Variants in NIPA2 observed in about 807,000 individuals in gnomAD.
NIPA2 encodes the protein NIPA magnesium transporter 2, also known as magnesium transporter NIPA2.
In NIPA2, 11 loss-of-function variants were observed where a neutral mutation model predicts 29.7. The observed-to-expected ratio is 0.37, with a 90% CI of 0.23 to 0.61. The LOEUF (loss-of-function observed/expected upper bound fraction) is 0.61, where lower values mean the gene tolerates loss of function less well. NIPA2 is among the 20% of genes least tolerant of loss of function. NIPA2 has a pLI of 0.66. For synonymous variants in NIPA2, 183 were observed against 161.9 expected (o/e 1.13, Z -0.99); for missense variants, 426 against 437.9 (o/e 0.97, Z 0.24).
chr15:22,853,699 C>G (rs1021478116), intron 5 of NIPA2, among the ~76,000 whole-genome samples: 4 of 151,328 alleles, frequency 2.6e-5, no homozygotes, highest in Admixed American at 6.6e-5. Flanking sequence ...TTTGTGAGTA[C>G]TTAGTAGGTA....
At chr15:22,844,888 G>A (rs936143952) in intron 2 of NIPA2, among the ~76,000 whole-genome samples, 3 of 152,120 alleles carry the variant, frequency 2.0e-5, no homozygotes, top group South Asian at 4.1e-4. Flanking sequence ...TCTCTTAGTC[G>A]TGGAGTCCTT....
In NIPA2 at chr15:22,867,361, C is replaced by G. The variant is rs754415655; in HGVS notation, c.*514C>G. 1 of 393,718 alleles carries G rather than the reference C, an allele frequency of 2.5e-6. No homozygotes were observed. Among genetic ancestry groups the G allele is most frequent in the Admixed American group, 4.4e-5 (1 of 22,602 alleles). The allele number at this position is 393,718 out of a possible 1,614,324, so 24.4% of individuals were successfully genotyped here. ...TATTTATTAAGGGAAAACTAAGTTA[C>G]TGAATGAAGGAACCTCTTTCTTACA... On this transcript the variant is annotated 3_prime_UTR_variant, in exon 8 of 8. Coordinates refer to ENST00000337451, the MANE Select transcript of NIPA2 (RefSeq NM_030922.7).
At chr15:22,861,495 G>A (rs956494226) in intron 7 of NIPA2, among the ~76,000 whole-genome samples, 1 of 152,178 alleles carries the variant, frequency 6.6e-6, no homozygotes, top group African/African-American at 2.4e-5. Context: ...ACAAGAAAGG[G>A]CATGAAGAGA....
Position 22,866,649 on chromosome 15 carries a change from G to A in NIPA2, c.885G>A (p.Leu295=), listed in dbSNP as rs2059098513. 6.2e-7 allele frequency: 1 copy of A among 1,613,946 alleles called. No individual in the cohort carries two copies. Among genetic ancestry groups the A allele is most frequent in the Admixed American group, 1.7e-5 (1 of 60,000 alleles). ...GFFTIIVGIF[L]LHAFKDVSFS... ...TTACAATCATTGTGGGGATATTCTTGTTGCATGCCTTTAAAGACGTCAGCT... is the reference window on the plus strand; with the variant it reads ...TTACAATCATTGTGGGGATATTCTTATTGCATGCCTTTAAAGACGTCAGCT... The change falls in exon 8 of 8, where the codon TTG becomes TTA. Residue 295 remains leucine, a synonymous_variant. Coordinates refer to ENST00000337451, the MANE Select transcript of NIPA2 (RefSeq NM_030922.7).
intron 2 of NIPA2, among the ~76,000 whole-genome samples, chr15:22,842,863 T>C (rs1423178178): frequency 1.3e-5 from 2 of 151,512 alleles, no homozygotes; most frequent in East Asian, 3.9e-4. Flanking sequence ...ATTTGCCTAG[T>C]GTAGTGGTGG....
Position 22,866,974 on chromosome 15 carries a change from A to G in NIPA2, c.*127A>G. 1.1e-6 allele frequency: 1 copy of G among 900,304 alleles called. No individual in the cohort carries two copies. Among genetic ancestry groups the G allele is most frequent in the Non-Finnish European group, 1.6e-6 (1 of 612,322 alleles). 55.8% of individuals were successfully genotyped at this position (900,304 alleles called of 1,614,324 possible). A position where few individuals can be genotyped will look rare whatever the true frequency, so the allele number is the denominator to read the frequency against. ...AGGCAATCTTTTTAAAGATTTCACT[A>G]ATTTGGACCAAGAAATTACTTTTCT... On this transcript the variant is annotated 3_prime_UTR_variant, in exon 8 of 8. Coordinates refer to ENST00000337451, the MANE Select transcript of NIPA2 (RefSeq NM_030922.7).
At position 22,858,502 on chromosome 15, in the gene NIPA2, T is replaced by G. The variant is rs533885518; in HGVS notation, c.197-38T>G. 1.6e-5 allele frequency: 23 copies of G among 1,412,148 alleles called. No homozygotes were observed. The East Asian group carries it at 4.9e-4, about 30-fold the overall frequency. The allele number at this position is 1,412,148 out of a possible 1,614,324, so 87.5% of individuals were successfully genotyped here. The stretch of plus-strand genomic sequence containing the variant: ...GGCATTTCCAAGTTGAGTACATACA[T>G]TCTTACCTGAGTTTTTCTTTTGTTG... On this transcript the variant is annotated intron_variant, in intron 5 of 7. Transcript: ENST00000337451.
intron 3 of NIPA2, among the ~76,000 whole-genome samples, chr15:22,851,202 T>C (rs2057713319): frequency 6.6e-6 from 1 of 152,254 alleles, no homozygotes; most frequent in Non-Finnish European, 1.5e-5. Flanking sequence ...CATATGCTTA[T>C]GTGCACCTAT....
rs754069947 is a variant in NIPA2 at position 22,866,443 on chromosome 15, G to A, written c.679G>A (p.Val227Ile). 5.0e-6 allele frequency: 8 copies of A among 1,613,982 alleles called. No individual in the cohort carries two copies. Among genetic ancestry groups the A allele is most frequent in the Middle Eastern group, 1.6e-4 (1 of 6,084 alleles). Residue 227 changes from valine (V) to isoleucine (I), a missense_variant, in exon 8 of 8, where the codon GTC becomes ATC. Physicochemically the swap from Val to Ile is conservative, Grantham distance 29. This residue lies in a region of NIPA2 where 357 missense variants were observed against 339.8 expected (regional missense o/e 1.05). Coordinates refer to ENST00000337451, the MANE Select transcript of NIPA2 (RefSeq NM_030922.7). ...TTGGATTCTGCTGCTGAGCCTCATC[G>A]TCTGTGTGAGCACACAGATTAATTA... ...LAWILLLSLI[V>I]CVSTQINYLN... is the part of the protein sequence containing the mutation.
rs527886852 is a variant in NIPA2 at position 22,841,888 on chromosome 15, A to G, written c.-216+2098A>G. ...CAGTGGCCTTTGTTTAGGAAACTGCACACCCGCTCATACCTCAGAGCCCCT... is the reference window on the plus strand; with the variant it reads ...CAGTGGCCTTTGTTTAGGAAACTGCGCACCCGCTCATACCTCAGAGCCCCT... On this transcript the variant is annotated intron_variant, in intron 2 of 7. Coordinates refer to ENST00000337451, the MANE Select transcript of NIPA2 (RefSeq NM_030922.7). Among the ~76,000 whole-genome samples the G allele has an allele frequency of 1.8e-4, 27 of 152,170 alleles. No individual in the cohort carries two copies. The South Asian group carries it at 5.4e-3, about 30-fold the overall frequency.
Position 22,866,479 on chromosome 15 carries a change from G to A in NIPA2, c.715G>A (p.Ala239Thr). ...CACACAGATTAATTACCTAAATAGG[G>A]CCCTGGATATATTCAACACTTCCAT... is the stretch of plus-strand genomic sequence containing the variant. The part of the protein sequence containing the change: ...VSTQINYLNR[A>T]LDIFNTSIVT... The change falls in exon 8 of 8, where the codon GCC becomes ACC. Residue 239 changes from alanine (A) to threonine (T), a missense_variant. By Grantham distance (58) the Ala-to-Thr change is moderately conservative. This residue lies in a region of NIPA2 where 357 missense variants were observed against 339.8 expected (regional missense o/e 1.05). Coordinates refer to ENST00000337451, the MANE Select transcript of NIPA2 (RefSeq NM_030922.7). 2 of 1,613,976 alleles carry A rather than the reference G, an allele frequency of 1.2e-6. No individual in the cohort carries two copies. Among genetic ancestry groups the A allele is most frequent in the Non-Finnish European group, 1.7e-6 (2 of 1,179,918 alleles).
intron 7 of NIPA2, among the ~76,000 whole-genome samples, chr15:22,865,555 A>G (rs148100299): frequency 6.6e-6 from 1 of 152,170 alleles, no homozygotes; most frequent in East Asian, 1.9e-4. Flanking sequence ...AATTCATGTG[A>G]CTTATCTGGG....
In NIPA2 at chr15:22,867,359, TACTG is replaced by T; in HGVS notation, c.*514_*517del. ...AATATTTATTAAGGGAAAACTAAGT[TACTG>T]AATGAAGGAACCTCTTTCTTACAAA... On this transcript the variant is annotated 3_prime_UTR_variant, in exon 8 of 8. Coordinates refer to ENST00000337451, the MANE Select transcript of NIPA2 (RefSeq NM_030922.7). 2.5e-6 allele frequency: 1 copy of T among 394,236 alleles called. No homozygotes were observed. Among genetic ancestry groups the T allele is most frequent in the East Asian group, 3.6e-5 (1 of 27,792 alleles). The allele number at this position is 394,236 out of a possible 1,614,324, so 24.4% of individuals were successfully genotyped here.
intron 4 of NIPA2, 86 bp downstream of exon 4, chr15:22,851,956 C>A (rs944217712): frequency 1.8e-6 from 2 of 1,084,688 alleles, no homozygotes; most frequent in Non-Finnish European, 2.7e-6. Context: ...ATCTTCATTC[C>A]TCGTGAGTGT....
intron 3 of NIPA2, among the ~76,000 whole-genome samples, chr15:22,849,498 T>G (rs1343570992): frequency 6.6e-6 from 1 of 152,118 alleles, no homozygotes; most frequent in Non-Finnish European, 1.5e-5. Context: ...TCCATGAGAT[T>G]ATGACTGATA....
At chr15:22,850,456 A>G (rs2057650107) in intron 3 of NIPA2, among the ~76,000 whole-genome samples, 1 of 152,208 alleles carries the variant, frequency 6.6e-6, no homozygotes, top group Admixed American at 6.5e-5. Flanking sequence ...TACAGGAACG[A>G]TAATGCACCT....
Position 22,863,541 on chromosome 15 carries a change from C to T in NIPA2, c.449-2672C>T, listed in dbSNP as rs572039383. Among the ~76,000 whole-genome samples the T allele has an allele frequency of 9.8e-5, 15 of 152,306 alleles. No individual in the cohort carries two copies. In the East Asian group the frequency reaches 1.9e-3, roughly 20 times the overall value. ...CTGCTTAGTCCTGTGGCCTCCTGGCCGGGCTTTCCATTTGGCTCCTCTGAC... is the reference window on the plus strand; with the variant it reads ...CTGCTTAGTCCTGTGGCCTCCTGGCTGGGCTTTCCATTTGGCTCCTCTGAC... On this transcript the variant is annotated intron_variant, in intron 7 of 7. Coordinates refer to ENST00000337451, the MANE Select transcript of NIPA2 (RefSeq NM_030922.7).
At position 22,838,937 on chromosome 15, in the gene NIPA2, C is replaced by T. The variant is rs1896261091; in HGVS notation, c.-352+16C>T. ...GCCGACTAGGGTGAGGTCGCCACTC[C>T]TTCCTTTCAGGCAAGCGCGAAGGGG... On this transcript the variant is annotated intron_variant, in intron 1 of 7. Coordinates refer to ENST00000337451, the MANE Select transcript of NIPA2 (RefSeq NM_030922.7). 1 of 152,250 alleles carries T rather than the reference C, an allele frequency of 6.6e-6. No homozygotes were observed. The highest frequency in any genetic ancestry group is 2.1e-4 in the South Asian group (1 of 4,832). The allele number at this position is 152,250 out of a possible 1,614,324, so 9.4% of individuals were successfully genotyped here. A position where few individuals can be genotyped will look rare whatever the true frequency, so the allele number is the denominator to read the frequency against.
At position 22,861,832 on chromosome 15, in the gene NIPA2, C is replaced by T. The variant is rs181563615; in HGVS notation, c.448+1043C>T. Among the ~76,000 whole-genome samples, 1,425 of 151,998 alleles carry T rather than the reference C, an allele frequency of 9.4e-3. 23 individuals carry two copies. The highest frequency in any genetic ancestry group is 0.032 in the African/African-American group (1,340 of 41,442). On this transcript the variant is annotated intron_variant, in intron 7 of 7. Coordinates refer to ENST00000337451, the MANE Select transcript of NIPA2 (RefSeq NM_030922.7). ...TCACTGCAACCTCCTCCTCCCCAGCCCAAGCGATTCTCCCATCTCAGCCTT... is the reference window on the plus strand; with the variant it reads ...TCACTGCAACCTCCTCCTCCCCAGCTCAAGCGATTCTCCCATCTCAGCCTT...
Sources: allele counts gnomAD v4.1 joint callset (sites outside exome capture counted in the v4.1 genomes callset), GRCh38; gene constraint gnomAD v4.1.1; regional missense constraint gnomAD v4.1.1; transcripts MANE v1.5; gene names NCBI Gene and HGNC (gene_info 2026-07-23, HGNC 2026-07-21).